The following ARSB variants were observed in gnomAD, a reference collection of about 807,000 sequenced individuals.
ARSB encodes arylsulfatase B.
ARSB carries 41 observed loss-of-function variants against 50.9 expected under a neutral mutation model. The observed-to-expected ratio is 0.81, with a 90% confidence interval of 0.63 to 1.04. The LOEUF (loss-of-function observed/expected upper bound fraction) is 1.04. ARSB is among the 50% of genes least tolerant of loss of function. The pLI is 0.00. For missense variants in ARSB, 672 were observed against 693.3 expected (o/e 0.97, Z 0.35); for synonymous variants, 269 against 284.8 (o/e 0.94, Z 0.56).
chr5:78,898,306 A>C (rs1188357984), intron 4 of ARSB, among the ~76,000 whole-genome samples: 3 of 152,180 alleles, frequency 2.0e-5, no homozygotes, highest in Non-Finnish European at 4.4e-5. Flanking sequence ...AGAAAATTTC[A>C]GGCCCAAATG....
At chr5:78,866,240 G>A (rs745817882) in intron 5 of ARSB, among the ~76,000 whole-genome samples, 2 of 152,178 alleles carry the variant, frequency 1.3e-5, no homozygotes. Context: ...CATGGTGGAA[G>A]GCAAGGAGGA....
chr5:78,832,752 A>C (rs339032), intron 6 of ARSB, among the ~76,000 whole-genome samples: 86,043 of 151,842 alleles, frequency 0.57, 24,846 homozygotes, highest in South Asian at 0.65. Flanking sequence ...GGGCCTTTAA[A>C]TGAAATAGTA....
chr5:78,889,951 G>A (rs1748206199), intron 4 of ARSB, among the ~76,000 whole-genome samples: 1 of 152,156 alleles, frequency 6.6e-6, no homozygotes, highest in Non-Finnish European at 1.5e-5. Context: ...GGCTCTAGCA[G>A]CCTCATACCA....
chr5:78,906,168 T>C (rs557262558), intron 4 of ARSB, among the ~76,000 whole-genome samples: 2 of 136,506 alleles, frequency 1.5e-5, no homozygotes, highest in African/African-American at 2.9e-5. Flanking sequence ...ACATAAAAAA[T>C]TAAAAAAAAA....
At chr5:78,820,155 A>G (rs1160234932) in intron 6 of ARSB, among the ~76,000 whole-genome samples, 1 of 152,226 alleles carries the variant, frequency 6.6e-6, no homozygotes, top group Non-Finnish European at 1.5e-5. Flanking sequence ...TCTTGGAAGC[A>G]GAAAGGAGCC....
At chr5:78,914,340 C>A (rs1488296636) in intron 4 of ARSB, among the ~76,000 whole-genome samples, 1 of 152,050 alleles carries the variant, frequency 6.6e-6, no homozygotes, top group Non-Finnish European at 1.5e-5. Flanking sequence ...ATAAGGATTT[C>A]TTTCAAAAGC....
chr5:78,959,098 G>C (rs994568718), intron 3 of ARSB, among the ~76,000 whole-genome samples: 2 of 152,148 alleles, frequency 1.3e-5, no homozygotes, highest in Non-Finnish European at 2.9e-5. Context: ...GGAGTTAATG[G>C]AATCATGGGG....
intron 6 of ARSB, among the ~76,000 whole-genome samples, chr5:78,798,125 A>G (rs898317871): frequency 2.0e-5 from 3 of 152,370 alleles, no homozygotes; most frequent in African/African-American, 7.2e-5. Flanking sequence ...AATGGCCATA[A>G]TAAACATGAA....
At chr5:78,958,777 T>A (rs145014084) in intron 3 of ARSB, among the ~76,000 whole-genome samples, 297 of 151,050 alleles carry the variant, frequency 2.0e-3, no homozygotes, top group African/African-American at 6.9e-3. Context: ...TTATTGAAGA[T>A]CTTTGTTATA....
intron 6 of ARSB, among the ~76,000 whole-genome samples, chr5:78,831,769 G>A (rs1243653496): frequency 1.3e-5 from 2 of 152,164 alleles, no homozygotes; most frequent in African/African-American, 4.8e-5. Flanking sequence ...ATGCAATGCT[G>A]AGCAATCTGT....
chr5:78,831,569 C>T (rs183793598), intron 6 of ARSB, among the ~76,000 whole-genome samples: 36 of 152,252 alleles, frequency 2.4e-4, no homozygotes, highest in African/African-American at 8.7e-4. Flanking sequence ...CCTTCTCCCA[C>T]AAGACAAGGG....
At chr5:78,871,347 C>T (rs1361878376) in intron 5 of ARSB, among the ~76,000 whole-genome samples, 2 of 151,966 alleles carry the variant, frequency 1.3e-5, no homozygotes, top group African/African-American at 4.8e-5. Context: ...AAAAAGAGCC[C>T]TCATTGCCAA....
At chr5:78,930,043 CT>C (rs1390899300) in intron 4 of ARSB, among the ~76,000 whole-genome samples, 1 of 152,166 alleles carries the variant, frequency 6.6e-6, no homozygotes, top group Non-Finnish European at 1.5e-5. Flanking sequence ...CAGATGTGAT[CT>C]GAATGCACTG....
chr5:78,806,074 C>T (rs534247213), intron 6 of ARSB, among the ~76,000 whole-genome samples: 5 of 152,326 alleles, frequency 3.3e-5, no homozygotes, highest in African/African-American at 1.2e-4. Context: ...CACTAATGCG[C>T]TATGAGTACT....
chr5:78,868,785 AT>A (rs1746952337), intron 5 of ARSB, among the ~76,000 whole-genome samples: 1 of 143,086 alleles, frequency 7.0e-6, no homozygotes, highest in Non-Finnish European at 1.5e-5. Flanking sequence ...TAACATCATA[AT>A]GACAGGATCA....
At chr5:78,969,297 G>A in intron 1 of ARSB, 105 bp from the exon 2 acceptor site, 2 of 1,236,366 alleles carry the variant, frequency 1.6e-6, no homozygotes, top group African/African-American at 1.5e-5. Flanking sequence ...TGACTTGGAT[G>A]TTTAACTCTA....
intron 4 of ARSB, among the ~76,000 whole-genome samples, chr5:78,923,790 A>T (rs1653872317): frequency 6.6e-6 from 1 of 152,200 alleles, no homozygotes; most frequent in Admixed American, 6.5e-5. Flanking sequence ...ACTTCAGTGA[A>T]TAGGTTCAGC....
At chr5:78,850,718 T>C (rs186524553) in intron 5 of ARSB, among the ~76,000 whole-genome samples, 1 of 152,358 alleles carries the variant, frequency 6.6e-6, no homozygotes, top group African/African-American at 2.4e-5. Flanking sequence ...AAGCTATTGA[T>C]TATTGTCACA....
intron 4 of ARSB, among the ~76,000 whole-genome samples, chr5:78,913,297 T>G (rs1022866229): frequency 6.6e-6 from 1 of 151,976 alleles, no homozygotes; most frequent in African/African-American, 2.4e-5. Flanking sequence ...GCTAATTTTT[T>G]GTGTTTTTAG....
Sources: allele counts gnomAD v4.1 joint callset (sites outside exome capture counted in the v4.1 genomes callset), GRCh38; gene constraint gnomAD v4.1.1; transcripts MANE v1.5; gene names NCBI Gene and HGNC (gene_info 2026-07-23, HGNC 2026-07-21).